Variants in KLF12 observed in about 807,000 individuals in gnomAD.
KLF12 encodes Krueppel-like factor 12.
KLF12 carries 9 observed loss-of-function variants against 37.8 expected under a neutral mutation model. That is an observed-to-expected ratio of 0.24 (90% confidence interval 0.14 to 0.42). The LOEUF is 0.42. Among genes scored for constraint, KLF12 ranks in the 10% least tolerant of loss-of-function variants. The pLI, the probability that KLF12 is intolerant of heterozygous loss-of-function variation, is 1.00. For synonymous variants in KLF12, 208 were observed against 202.1 expected (o/e 1.03, Z -0.25); for missense variants, 411 against 516.0 (o/e 0.80, Z 1.97).
At chr13:74,123,299 A>G (rs1351524329) in intron 1 of KLF12, among the ~76,000 whole-genome samples, 1 of 152,242 alleles carries the variant, frequency 6.6e-6, no homozygotes, top group Non-Finnish European at 1.5e-5. Flanking sequence ...ATACCTAAAT[A>G]GGAAAAGTTT....
At chr13:73,745,478 A>C (rs1253741133) in intron 6 of KLF12, among the ~76,000 whole-genome samples, 2 of 152,214 alleles carry the variant, frequency 1.3e-5, no homozygotes, top group Non-Finnish European at 2.9e-5. Context: ...ATATTTATAA[A>C]TATTAAAGGT....
chr13:73,931,514 A>G (rs1889674727), intron 3 of KLF12, among the ~76,000 whole-genome samples: 1 of 152,102 alleles, frequency 6.6e-6, no homozygotes, highest in Non-Finnish European at 1.5e-5. Flanking sequence ...ATAAAATTTG[A>G]GAGGAGAAGA....
intron 1 of KLF12, among the ~76,000 whole-genome samples, chr13:73,998,505 T>C (rs957823482): frequency 6.6e-6 from 1 of 152,244 alleles, no homozygotes; most frequent in Admixed American, 6.5e-5. Context: ...TTTGGAATTC[T>C]GTCTTCTAGA....
chr13:73,721,366 C>T (rs1260342871), intron 6 of KLF12, among the ~76,000 whole-genome samples: 1 of 152,156 alleles, frequency 6.6e-6, no homozygotes, highest in East Asian at 1.9e-4. Flanking sequence ...ATTTAAATTT[C>T]CCCTTTAACC....
chr13:74,025,883 T>C (rs898573879), intron 1 of KLF12, among the ~76,000 whole-genome samples: 17 of 152,190 alleles, frequency 1.1e-4, no homozygotes, highest in African/African-American at 4.1e-4. Context: ...ACTTGACAAC[T>C]GTCAGATAAC....
chr13:74,059,285 T>C (rs1443373124), intron 1 of KLF12, among the ~76,000 whole-genome samples: 1 of 152,226 alleles, frequency 6.6e-6, no homozygotes, highest in Non-Finnish European at 1.5e-5. Flanking sequence ...TTTATCTTCC[T>C]TTGGGTAGAC....
chr13:74,288,480 C>A, the KLF12 span, among the ~76,000 whole-genome samples: 2 of 152,092 alleles, frequency 1.3e-5, no homozygotes, highest in African/African-American at 4.8e-5. Context: ...AGGAACAATG[C>A]GGCATTCAGG....
chr13:74,241,722 G>A, the KLF12 span, among the ~76,000 whole-genome samples: 4 of 152,298 alleles, frequency 2.6e-5, no homozygotes, highest in East Asian at 1.9e-4. Context: ...TCCAGGTGCC[G>A]TCCGTCACCC....
At chr13:73,782,016 G>A (rs557998040) in intron 5 of KLF12, among the ~76,000 whole-genome samples, 130 of 152,246 alleles carry the variant, frequency 8.5e-4, no homozygotes, top group African/African-American at 2.8e-3. Flanking sequence ...AGTTTCTACT[G>A]TTTTCTAAGC....
chr13:74,173,428 T>A, the KLF12 span, among the ~76,000 whole-genome samples: 1 of 152,212 alleles, frequency 6.6e-6, no homozygotes, highest in Non-Finnish European at 1.5e-5. Context: ...CCATCTAGAC[T>A]GAATTCTATC....
intron 4 of KLF12, among the ~76,000 whole-genome samples, chr13:73,831,837 C>T (rs1884178727): frequency 6.6e-6 from 1 of 152,152 alleles, no homozygotes; most frequent in African/African-American, 2.4e-5. Flanking sequence ...ACAAAATCTA[C>T]AGAAAGAGAA....
At chr13:73,716,754 T>A (rs905422708) in intron 6 of KLF12, among the ~76,000 whole-genome samples, 1 of 152,234 alleles carries the variant, frequency 6.6e-6, no homozygotes, top group Non-Finnish European at 1.5e-5. Flanking sequence ...TTCCTTTTTT[T>A]AATTCAACAT....
intron 3 of KLF12, among the ~76,000 whole-genome samples, chr13:73,937,198 T>A (rs59825026): frequency 0.48 from 72,069 of 150,210 alleles, 17,399 homozygotes; most frequent in Admixed American, 0.53. Context: ...CAAAAAAAAA[T>A]AAATAAATAA....
Position 73,928,506 on chromosome 13 carries a change from T to A in KLF12, c.123+15475A>T, listed in dbSNP as rs145123640. ...CAGTACTTGTTGCTATTTTTCTTTA[T>A]ACCACAAACACTGAATAAGTCAGAG... On this transcript the variant is annotated intron_variant, in intron 3 of 7. Coordinates refer to ENST00000377669, the MANE Select transcript of KLF12 (RefSeq NM_007249.5). 2.0e-5 allele frequency among the ~76,000 whole-genome samples: 3 copies of A among 152,352 alleles called. No homozygotes were observed. The East Asian group carries it at 5.8e-4, about 29-fold the overall frequency.
chr13:73,771,898 A>G (rs1880294616), intron 5 of KLF12, among the ~76,000 whole-genome samples: 1 of 152,246 alleles, frequency 6.6e-6, no homozygotes, highest in Non-Finnish European at 1.5e-5. Flanking sequence ...GAACAATGGT[A>G]GGAAAGCACT....
At chr13:74,016,865 A>G (rs931213208) in intron 1 of KLF12, among the ~76,000 whole-genome samples, 1 of 152,218 alleles carries the variant, frequency 6.6e-6, no homozygotes, top group East Asian at 1.9e-4. Flanking sequence ...TGTAAACTGG[A>G]AACAATCCAA....
At chr13:74,053,137 C>A (rs1454053847) in intron 1 of KLF12, among the ~76,000 whole-genome samples, 1 of 152,018 alleles carries the variant, frequency 6.6e-6, no homozygotes. Flanking sequence ...AATGAAAATA[C>A]CTAAAATAAT....
At chr13:74,228,874 T>C in the KLF12 span, among the ~76,000 whole-genome samples, 13 of 150,706 alleles carry the variant, frequency 8.6e-5, no homozygotes, top group African/African-American at 2.5e-4. Flanking sequence ...CTTCATTAAA[T>C]TGAAAAAAAA....
At chr13:73,724,369 T>A (rs57295846) in intron 6 of KLF12, among the ~76,000 whole-genome samples, 23,121 of 152,036 alleles carry the variant, frequency 0.15, 2,884 homozygotes, top group African/African-American at 0.35. Context: ...GAGGGGAACA[T>A]CACACCTGGG....
Sources: gnomAD v4.1 joint callset for allele counts (sites outside exome capture counted in the v4.1 genomes callset) on GRCh38, gnomAD v4.1.1 for gene constraint, MANE v1.5 for transcripts, NCBI Gene and HGNC (gene_info 2026-07-23, HGNC 2026-07-21) for gene names.